ZNF385D: variants seen among roughly 807,000 people sequenced by gnomAD.
ZNF385D encodes zinc finger protein 659.
A neutral mutation model predicts 35.8 loss-of-function variants in ZNF385D; 15 were observed. The ratio of observed to expected loss-of-function variants is 0.42; its 90% CI spans 0.28 to 0.64. The LOEUF is 0.64. Among genes scored for constraint, ZNF385D ranks in the 30% least tolerant of loss-of-function variants. ZNF385D has a pLI of 0.23. For missense variants in ZNF385D, 474 were observed against 494.6 expected (o/e 0.96, Z 0.39); for synonymous variants, 212 against 186.8 (o/e 1.13, Z -1.10).
chr3:21,612,933 T>C (rs13316093), intron 2 of ZNF385D, among the ~76,000 whole-genome samples: 66,099 of 151,596 alleles, frequency 0.44, 15,395 homozygotes, highest in East Asian at 0.62. Context: ...CTTGAACCCA[T>C]TTAGCTTTGA....
chr3:22,293,064 T>C (rs1213616176), intron 2 of ZNF385D, among the ~76,000 whole-genome samples: 2 of 152,136 alleles, frequency 1.3e-5, no homozygotes, highest in Non-Finnish European at 2.9e-5. Context: ...AGAGGCTGTC[T>C]CATGTGTATG....
chr3:22,215,360 A>G, intron 2 of ZNF385D, among the ~76,000 whole-genome samples: 1 of 152,050 alleles, frequency 6.6e-6, no homozygotes, highest in Non-Finnish European at 1.5e-5. Context: ...AGCAAATAGG[A>G]GAAATATCGC....
chr3:22,024,633 C>A (rs533557479), intron 3 of ZNF385D, among the ~76,000 whole-genome samples: 5 of 152,134 alleles, frequency 3.3e-5, no homozygotes, highest in Admixed American at 2.0e-4. Context: ...GTATGGAGAG[C>A]ACTGATAGTG....
At chr3:21,792,212 GC>G (rs2071960208) in intron 3 of ZNF385D, among the ~76,000 whole-genome samples, 1 of 152,026 alleles carries the variant, frequency 6.6e-6, no homozygotes, top group African/African-American at 2.4e-5. Flanking sequence ...ACATTCTGAT[GC>G]CCCTCTTGAT....
chr3:21,720,286 T>A (rs1220583100), intron 1 of ZNF385D, among the ~76,000 whole-genome samples: 7 of 152,130 alleles, frequency 4.6e-5, no homozygotes, highest in Non-Finnish European at 1.0e-4. Flanking sequence ...TCTGGCCAGG[T>A]GCAGTGACTC....
intron 3 of ZNF385D, among the ~76,000 whole-genome samples, chr3:22,125,674 A>G (rs948068334): frequency 2.6e-5 from 4 of 152,030 alleles, no homozygotes; most frequent in Admixed American, 2.0e-4. Flanking sequence ...CAGGTATTTT[A>G]TTGGTAGCCA....
At chr3:21,955,649 T>C (rs904593515) in intron 3 of ZNF385D, among the ~76,000 whole-genome samples, 3 of 152,158 alleles carry the variant, frequency 2.0e-5, no homozygotes, top group Non-Finnish European at 4.4e-5. Flanking sequence ...CAAATTCTGT[T>C]TACCCTGCTG....
At chr3:21,649,967 C>T (rs2065864460) in intron 2 of ZNF385D, among the ~76,000 whole-genome samples, 2 of 151,910 alleles carry the variant, frequency 1.3e-5, no homozygotes, top group Admixed American at 1.3e-4. Flanking sequence ...TGCAGACCAC[C>T]TAACACATGC....
chr3:21,718,907 A>G (rs2068429743), intron 1 of ZNF385D, among the ~76,000 whole-genome samples: 1 of 152,222 alleles, frequency 6.6e-6, no homozygotes, highest in Non-Finnish European at 1.5e-5. Context: ...TTTTCATCAA[A>G]TAGTTAAAAA....
At chr3:21,752,966 A>G (rs544001471), upstream of ZNF385D, among the ~76,000 whole-genome samples, 26 of 152,286 alleles carry the variant, frequency 1.7e-4, no homozygotes, top group Admixed American at 1.4e-3. Context: ...GGGGCACTGT[A>G]GTTTAATGTT....
chr3:22,298,764 C>T (rs905470269), intron 2 of ZNF385D, among the ~76,000 whole-genome samples: 1 of 149,344 alleles, frequency 6.7e-6, no homozygotes, highest in Admixed American at 6.7e-5. Flanking sequence ...ATTTTCTTAC[C>T]ATTAAAATGA....
chr3:22,142,219 G>A (rs895684886), intron 3 of ZNF385D, among the ~76,000 whole-genome samples: 1 of 152,106 alleles, frequency 6.6e-6, no homozygotes, highest in Non-Finnish European at 1.5e-5. Flanking sequence ...TTCTTTACTA[G>A]TGTTTTTACT....
At chr3:21,685,375 A>G (rs2125326782) in intron 1 of ZNF385D, among the ~76,000 whole-genome samples, 1 of 152,310 alleles carries the variant, frequency 6.6e-6, no homozygotes, top group East Asian at 1.9e-4. Context: ...ACAAAGAGAA[A>G]CAAACAGAAT....
At chr3:21,898,180 G>A (rs934360826) in intron 3 of ZNF385D, among the ~76,000 whole-genome samples, 1 of 152,062 alleles carries the variant, frequency 6.6e-6, no homozygotes, top group Admixed American at 6.6e-5. Flanking sequence ...AAGAAACAAT[G>A]CACAATAAGG....
At chr3:21,830,273 G>C (rs556394535) in intron 3 of ZNF385D, among the ~76,000 whole-genome samples, 1 of 152,320 alleles carries the variant, frequency 6.6e-6, no homozygotes, top group East Asian at 1.9e-4. Flanking sequence ...TTTCGGGATT[G>C]TATCCTAGTT....
chr3:21,624,979 C>A (rs796788088), intron 2 of ZNF385D, among the ~76,000 whole-genome samples: 1 of 151,974 alleles, frequency 6.6e-6, no homozygotes, highest in Non-Finnish European at 1.5e-5. Context: ...AATTGAACTT[C>A]GTAAGCATTC....
chr3:21,855,110 AT>A (rs1696633216), intron 3 of ZNF385D, among the ~76,000 whole-genome samples: 1 of 151,930 alleles, frequency 6.6e-6, no homozygotes, highest in African/African-American at 2.4e-5. Flanking sequence ...CAATGTTGTT[AT>A]CAAAAGCTAC....
intron 3 of ZNF385D, among the ~76,000 whole-genome samples, chr3:21,917,252 T>C (rs1700234339): frequency 6.6e-6 from 1 of 152,028 alleles, no homozygotes; most frequent in African/African-American, 2.4e-5. Flanking sequence ...GCCAACACGG[T>C]GAAACCTGGT....
intron 3 of ZNF385D, among the ~76,000 whole-genome samples, chr3:22,004,350 T>G (rs1696058492): frequency 6.8e-6 from 1 of 147,920 alleles, no homozygotes; most frequent in Non-Finnish European, 1.5e-5. Context: ...ATAGGGGAAA[T>G]GCTGCAGGAC....
Sources: gnomAD v4.1 joint callset for allele counts (sites outside exome capture counted in the v4.1 genomes callset) on GRCh38, gnomAD v4.1.1 for gene constraint, MANE v1.5 for transcripts, NCBI Gene and HGNC (gene_info 2026-07-23, HGNC 2026-07-21) for gene names.